The following SMIM35 variants were observed in gnomAD, a reference collection of about 807,000 sequenced individuals.
SMIM35 encodes small integral membrane protein 35, also known as TMPRSS4 antisense RNA 1 (non-protein coding).
intron 1 of SMIM35, among the ~76,000 whole-genome samples, chr11:118,079,735 G>A (rs1314805620): frequency 6.6e-6 from 1 of 152,180 alleles, no homozygotes; most frequent in East Asian, 1.9e-4. Context: ...GGCTTGGCTG[G>A]GCTTGGCTGG....
intron 1 of SMIM35, among the ~76,000 whole-genome samples, chr11:118,050,941 C>T (rs1303062013): frequency 6.6e-6 from 1 of 152,180 alleles, no homozygotes; most frequent in African/African-American, 2.4e-5. Flanking sequence ...TGCAGAAGAG[C>T]TTATCTGGGG....
chr11:118,061,055 T>C (rs577490474), intron 1 of SMIM35, among the ~76,000 whole-genome samples: 1 of 152,214 alleles, frequency 6.6e-6, no homozygotes, highest in African/African-American at 2.4e-5. Context: ...CCGCTTCTGC[T>C]GAGTCACCCA....
At chr11:118,012,139 G>C (rs186548251) in intron 4 of SMIM35, among the ~76,000 whole-genome samples, 1 of 152,334 alleles carries the variant, frequency 6.6e-6, no homozygotes, top group Admixed American at 6.5e-5. Flanking sequence ...TCCTGCATCT[G>C]TTGCTGGGCT....
intron 1 of SMIM35, among the ~76,000 whole-genome samples, chr11:118,044,948 C>T (rs1023616495): frequency 6.6e-6 from 1 of 151,896 alleles, no homozygotes; most frequent in African/African-American, 2.4e-5. Flanking sequence ...AATGAAGAAG[C>T]AAGCAGCACA....
chr11:118,010,869 A>T (rs2058146563), intron 4 of SMIM35, among the ~76,000 whole-genome samples: 1 of 152,214 alleles, frequency 6.6e-6, no homozygotes, highest in East Asian at 1.9e-4. Flanking sequence ...AGGTAGCGGG[A>T]AGGTGTTGGG....
chr11:118,043,819 A>G (rs1387787670), intron 1 of SMIM35, among the ~76,000 whole-genome samples: 1 of 147,472 alleles, frequency 6.8e-6, no homozygotes, highest in Non-Finnish European at 1.5e-5. Flanking sequence ...AAAAAAGGAA[A>G]AGAAAAAGAA....
chr11:118,017,278 C>A (rs1055569306), intron 1 of SMIM35, among the ~76,000 whole-genome samples: 6 of 152,166 alleles, frequency 3.9e-5, no homozygotes, highest in Non-Finnish European at 7.3e-5. Context: ...CAATAGAATT[C>A]CCAGATGGAG....
At chr11:118,042,651 CAAGAA>C (rs1255508906) in intron 1 of SMIM35, among the ~76,000 whole-genome samples, 1 of 152,060 alleles carries the variant, frequency 6.6e-6, no homozygotes, top group Non-Finnish European at 1.5e-5. Context: ...AAGGACATCA[CAAGAA>C]AAGAAAACCA....
At chr11:118,086,137 G>T (rs577805697) in intron 1 of SMIM35, among the ~76,000 whole-genome samples, 1 of 152,366 alleles carries the variant, frequency 6.6e-6, no homozygotes, top group Non-Finnish European at 1.5e-5. Context: ...CATAAGCGCT[G>T]TGCCTCAGTT....
intron 1 of SMIM35, among the ~76,000 whole-genome samples, chr11:118,049,930 T>C (rs914978463): frequency 2.0e-5 from 3 of 152,060 alleles, no homozygotes; most frequent in African/African-American, 7.2e-5. Flanking sequence ...TGTGGAGACC[T>C]GTGCCACTGA....
intron 1 of SMIM35, among the ~76,000 whole-genome samples, chr11:118,071,517 C>T (rs866621129): frequency 7.9e-5 from 12 of 152,336 alleles, no homozygotes; most frequent in South Asian, 2.1e-4. Flanking sequence ...CTCCACGCTG[C>T]ATTCCAGAGC....
intron 1 of SMIM35, among the ~76,000 whole-genome samples, chr11:118,071,610 G>A (rs1386017775): frequency 3.3e-5 from 5 of 152,194 alleles, no homozygotes; most frequent in Admixed American, 6.5e-5. Flanking sequence ...TGGAAGAGAT[G>A]TGAACAAATG....
At position 118,057,544 on chromosome 11, in the gene SMIM35, G is replaced by T. The variant is rs563578829; in HGVS notation, c.7+29207C>A. On this transcript the variant is annotated intron_variant, in intron 1 of 4. Coordinates refer to ENST00000689828, the MANE Select transcript of SMIM35 (RefSeq NM_001394165.1). ...AGGCAGTGCCGTTGCTGTGGTCACTGCTCTGTGGCCAAAGGACTTTTCAGC... is the reference window on the plus strand; with the variant it reads ...AGGCAGTGCCGTTGCTGTGGTCACTTCTCTGTGGCCAAAGGACTTTTCAGC... 2.7e-4 allele frequency among the ~76,000 whole-genome samples: 41 copies of T among 152,312 alleles called. 1 individual carries two copies. In the South Asian group the frequency reaches 8.3e-3, roughly 31 times the overall value.
chr11:118,044,443 A>G (rs1239961253), intron 1 of SMIM35, among the ~76,000 whole-genome samples: 8 of 152,068 alleles, frequency 5.3e-5, no homozygotes, highest in Admixed American at 5.2e-4. Flanking sequence ...GATCTTGCAA[A>G]TGGTCATCCC....
intron 1 of SMIM35, among the ~76,000 whole-genome samples, chr11:118,081,938 C>T (rs1274220675): frequency 6.6e-6 from 1 of 152,182 alleles, no homozygotes; most frequent in Non-Finnish European, 1.5e-5. Context: ...GACACTCACT[C>T]ACTCACTGAT....
At chr11:118,066,572 T>A (rs1318527275) in intron 1 of SMIM35, among the ~76,000 whole-genome samples, 1 of 152,220 alleles carries the variant, frequency 6.6e-6, no homozygotes, top group Non-Finnish European at 1.5e-5. Context: ...TATTTATGTA[T>A]AAATTATATT....
intron 1 of SMIM35, among the ~76,000 whole-genome samples, chr11:118,044,540 C>T (rs527437743): frequency 1.3e-5 from 2 of 152,092 alleles, no homozygotes; most frequent in Admixed American, 6.5e-5. Context: ...GTGATTCATG[C>T]CTGTAATCCC....
chr11:118,014,911 C>T (rs992053192), intron 2 of SMIM35, among the ~76,000 whole-genome samples, 170 bp from the exon 3 acceptor site: 25 of 152,160 alleles, frequency 1.6e-4, no homozygotes, highest in South Asian at 2.1e-4. Flanking sequence ...CCCCCATTAA[C>T]GGTCCTGATT....
intron 1 of SMIM35, among the ~76,000 whole-genome samples, chr11:118,079,578 T>C (rs1944969576): frequency 1.3e-5 from 2 of 152,230 alleles, no homozygotes; most frequent in Non-Finnish European, 2.9e-5. Flanking sequence ...GACTCATTAC[T>C]GTTCCGGAGA....
Sources: allele counts gnomAD v4.1 joint callset (sites outside exome capture counted in the v4.1 genomes callset), GRCh38; gene constraint gnomAD v4.1.1; transcripts MANE v1.5; gene names NCBI Gene and HGNC (gene_info 2026-07-23, HGNC 2026-07-21).